The following MTUS1 variants were observed in gnomAD, a reference collection of about 807,000 sequenced individuals.
MTUS1 encodes the protein microtubule associated scaffold protein 1.
Under a neutral mutation model 120.8 loss-of-function variants are expected in MTUS1, and 109 were observed. The observed-to-expected ratio is 0.90, with a 90% confidence interval of 0.77 to 1.06. The LOEUF (loss-of-function observed/expected upper bound fraction) is 1.06. MTUS1 is among the 50% of genes least tolerant of loss of function. The pLI is 0.00. For synonymous variants in MTUS1, 737 were observed against 550.5 expected (o/e 1.34, Z -4.74); for missense variants, 2,210 against 1,486.3 (o/e 1.49, Z -8.01).
intron 4 of MTUS1, chr8:17,722,113 T>C: frequency 7.8e-7 from 1 of 1,286,362 alleles, no homozygotes; most frequent in Non-Finnish European, 9.8e-7. Context: ...CAGGAACACA[T>C]CGCCACTAGA....
At chr8:17,664,539 ACT>A (rs1810478461) in intron 8 of MTUS1, among the ~76,000 whole-genome samples, 1 of 141,350 alleles carries the variant, frequency 7.1e-6, no homozygotes, top group Non-Finnish European at 1.5e-5. Context: ...TGGGCCCCTC[ACT>A]CTCTCTTGGC....
chr8:17,720,857 A>G lies in MTUS1; in HGVS notation c.2449+2815T>C, dbSNP rs80260809. 6.6e-5 allele frequency among the ~76,000 whole-genome samples: 10 copies of G among 152,348 alleles called. No individual in the cohort carries two copies. The East Asian group carries it at 1.7e-3, about 26-fold the overall frequency. Reference sequence around the variant, plus strand: ...TAGAAACCATTGTGAAATGTTTTACACTAATATCCAAAAGGATCAAGATCG... The same window carrying G: ...TAGAAACCATTGTGAAATGTTTTACGCTAATATCCAAAAGGATCAAGATCG... On this transcript the variant is annotated intron_variant, in intron 4 of 14. Transcript: ENST00000693296.
At chr8:17,667,718 G>A (rs1273889572) in intron 8 of MTUS1, among the ~76,000 whole-genome samples, 2 of 152,204 alleles carry the variant, frequency 1.3e-5, no homozygotes, top group Non-Finnish European at 2.9e-5. Flanking sequence ...TCCCTGTGGT[G>A]ACTACCAGAA....
chr8:17,784,531 G>A (rs1054819929), intron 1 of MTUS1, among the ~76,000 whole-genome samples: 1 of 152,064 alleles, frequency 6.6e-6, no homozygotes, highest in Non-Finnish European at 1.5e-5. Context: ...CTAATCTCAG[G>A]TGATCTGCCT....
At chr8:17,659,301 C>T (rs1032733175) in intron 8 of MTUS1, among the ~76,000 whole-genome samples, 1 of 152,114 alleles carries the variant, frequency 6.6e-6, no homozygotes. Flanking sequence ...CCAGGCCAGA[C>T]CTTGGGGCCC....
chr8:17,719,623 A>G (rs1035211656), intron 4 of MTUS1, among the ~76,000 whole-genome samples: 1 of 152,130 alleles, frequency 6.6e-6, no homozygotes, highest in Non-Finnish European at 1.5e-5. Flanking sequence ...CTCACCCATG[A>G]CAGACATCAC....
intron 3 of MTUS1, among the ~76,000 whole-genome samples, chr8:17,738,901 G>T (rs137891862): frequency 8.8e-4 from 134 of 152,102 alleles, no homozygotes; most frequent in African/African-American, 2.7e-3. Flanking sequence ...TACTGTGGGA[G>T]GCCTAGGTGG....
intron 8 of MTUS1, among the ~76,000 whole-genome samples, chr8:17,656,783 G>C (rs1384520423): frequency 2.6e-5 from 4 of 151,606 alleles, no homozygotes; most frequent in Non-Finnish European, 5.9e-5. Flanking sequence ...TAAGAAACAA[G>C]TGGACCGGCC....
At chr8:17,783,227 T>A (rs1420479280) in intron 1 of MTUS1, among the ~76,000 whole-genome samples, 5 of 152,152 alleles carry the variant, frequency 3.3e-5, no homozygotes, top group Admixed American at 3.3e-4. Context: ...GCTCTGACAA[T>A]AAGCACCTGC....
chr8:17,654,192 A>G, intron 10 of MTUS1: 2 of 230,180 alleles, frequency 8.7e-6, no homozygotes, highest in Non-Finnish European at 1.7e-5. Flanking sequence ...TGGCATCGAC[A>G]TTTCACAGCA....
chr8:17,697,311 G>C (rs766325276), intron 6 of MTUS1: 9 of 1,614,030 alleles, frequency 5.6e-6, no homozygotes, highest in Non-Finnish European at 7.6e-6. Context: ...CGAAGGTTTC[G>C]AAGCAATCCT....
At chr8:17,735,635 C>A (rs928895649) in intron 3 of MTUS1, among the ~76,000 whole-genome samples, 12 of 152,232 alleles carry the variant, frequency 7.9e-5, no homozygotes, top group African/African-American at 2.7e-4. Flanking sequence ...CCTGCAGGCG[C>A]ATTCCAAACA....
At position 17,643,949 on chromosome 8, in the gene MTUS1, C is replaced by CTT. The variant is rs1563539519; in HGVS notation, c.*1975_*1976dup. 6.6e-6 allele frequency: 1 copy of CTT among 152,202 alleles called. No homozygotes were observed. The highest frequency in any genetic ancestry group is 1.5e-5 in the Non-Finnish European group (1 of 68,028). The allele number at this position is 152,202 out of a possible 1,614,324, so 9.4% of individuals were successfully genotyped here. On this transcript the variant is annotated 3_prime_UTR_variant, in exon 15 of 15. Coordinates refer to ENST00000693296, the MANE Select transcript of MTUS1 (RefSeq NM_001363059.2). ...ATGAAACATTTGGTTTAAACAAAATCTTAAGAATTCTCTATTTTGTTTCCC... is the reference window on the plus strand; with the variant it reads ...ATGAAACATTTGGTTTAAACAAAATCTTTTAAGAATTCTCTATTTTGTTTCCC...
chr8:17,747,977 G>C (rs191621585), intron 2 of MTUS1: 1 of 152,092 alleles, frequency 6.6e-6, no homozygotes, highest in Non-Finnish European at 1.5e-5. Flanking sequence ...ACTATTATGA[G>C]AACAGCATGG....
intron 7 of MTUS1, among the ~76,000 whole-genome samples, chr8:17,683,181 A>C (rs928826561): frequency 6.6e-6 from 1 of 152,186 alleles, no homozygotes; most frequent in East Asian, 1.9e-4. Context: ...CTGAGGCAGG[A>C]GAATGGCATG....
chr8:17,703,120 C>A (rs1819433716), intron 6 of MTUS1, among the ~76,000 whole-genome samples: 2 of 152,122 alleles, frequency 1.3e-5, no homozygotes, highest in Non-Finnish European at 2.9e-5. Flanking sequence ...TTTTAGGGAA[C>A]AAGGGAAGAC....
rs1477847140 is a variant in MTUS1, at chr8:17,657,343, C to T, written c.2906-1278G>A. ...CAGCACTTTGGGAGGCCGAGGCGGG[C>T]GGATCACGAGGTCAGGAGATCGAGA... On this transcript the variant is annotated intron_variant, in intron 8 of 14. Coordinates refer to ENST00000693296, the MANE Select transcript of MTUS1 (RefSeq NM_001363059.2). Among the ~76,000 whole-genome samples the T allele has an allele frequency of 1.0e-3, 155 of 151,310 alleles. 1 individual carries two copies. The highest frequency in any genetic ancestry group is 3.0e-3 in the African/African-American group (122 of 41,288).
intron 2 of MTUS1, among the ~76,000 whole-genome samples, chr8:17,745,175 C>A (rs144768643): frequency 1.3e-5 from 2 of 152,130 alleles, no homozygotes; most frequent in Admixed American, 1.3e-4. Context: ...GTATTAGCTA[C>A]GTGAAAGGAA....
At chr8:17,801,280 G>A (rs1043423382), upstream of MTUS1, 1 of 152,012 alleles carries the variant, frequency 6.6e-6, no homozygotes, top group African/African-American at 2.4e-5. Context: ...GGGGCCGCCA[G>A]GGGGTGGAGC....
Sources: allele counts gnomAD v4.1 joint callset (sites outside exome capture counted in the v4.1 genomes callset), GRCh38; gene constraint gnomAD v4.1.1; transcripts MANE v1.5; gene names NCBI Gene and HGNC (gene_info 2026-07-23, HGNC 2026-07-21).